LY86: variants seen among roughly 807,000 people sequenced by gnomAD.
The protein encoded by LY86 is MD-1, RP105-associated.
In LY86, 20 loss-of-function variants were observed where a neutral mutation model predicts 17.3. The observed-to-expected ratio is 1.15, with a 90% CI of 0.81 to 1.68. The LOEUF (loss-of-function observed/expected upper bound fraction) is 1.68. LY86 is among the 40% of genes most tolerant of loss of function. LY86 has a pLI of 0.00. For missense variants in LY86, 200 were observed against 191.9 expected, an observed-to-expected ratio of 1.04 and a Z score of -0.25; for synonymous variants, 74 against 70.6, an observed-to-expected ratio of 1.05 and a Z score of -0.24.
intron 1 of LY86, among the ~76,000 whole-genome samples, chr6:6,600,913 G>A (rs150928299): frequency 2.4e-3 from 367 of 152,318 alleles, no homozygotes; most frequent in Middle Eastern, 6.8e-3. Context: ...AGACAGGAAC[G>A]TCATTCTTCC....
intron 1 of LY86, among the ~76,000 whole-genome samples, chr6:6,615,010 A>G (rs1761518653): frequency 6.6e-6 from 1 of 152,216 alleles, no homozygotes; most frequent in African/African-American, 2.4e-5. Context: ...CACCTTGTGA[A>G]ATGGTTTGTA....
intron 3 of LY86, among the ~76,000 whole-genome samples, chr6:6,649,366 G>A (rs538917815): frequency 2.0e-5 from 3 of 152,382 alleles, no homozygotes; most frequent in South Asian, 2.1e-4. Flanking sequence ...TGTAAGCAAT[G>A]TGTGGACAGA....
chr6:6,613,388 G>A (rs1402710255), intron 1 of LY86, among the ~76,000 whole-genome samples: 2 of 152,220 alleles, frequency 1.3e-5, no homozygotes, highest in East Asian at 1.9e-4. Flanking sequence ...AGTGGGGAGC[G>A]GGAGGAGACT....
intron 3 of LY86, among the ~76,000 whole-genome samples, chr6:6,627,553 G>A (rs1034091655): frequency 6.6e-6 from 1 of 152,170 alleles, no homozygotes; most frequent in African/African-American, 2.4e-5. Flanking sequence ...GTTTACTGCC[G>A]TGTATCTTCC....
At chr6:6,615,205 G>A (rs1178394882) in intron 1 of LY86, among the ~76,000 whole-genome samples, 2 of 152,204 alleles carry the variant, frequency 1.3e-5, no homozygotes, top group African/African-American at 4.8e-5. Context: ...TTGAAAACCA[G>A]GCAGCACCCA....
chr6:6,619,195 A>C (rs1468503502), intron 1 of LY86, among the ~76,000 whole-genome samples: 1 of 152,240 alleles, frequency 6.6e-6, no homozygotes, highest in African/African-American at 2.4e-5. Flanking sequence ...TCTGTTTGAT[A>C]AATAGAACAC....
chr6:6,612,979 G>C (rs1761426367), intron 1 of LY86, among the ~76,000 whole-genome samples: 2 of 152,084 alleles, frequency 1.3e-5, no homozygotes, highest in East Asian at 3.9e-4. Context: ...GTGCTGATTG[G>C]TGTGTTAACA....
chr6:6,648,028 C>A lies in LY86; in HGVS notation c.353-1597C>A, dbSNP rs374845048. Among the ~76,000 whole-genome samples, 23 of 150,578 alleles carry A rather than the reference C, an allele frequency of 1.5e-4. No homozygotes were observed. The East Asian group carries it at 4.5e-3, about 30-fold the overall frequency. Reference sequence around the variant, plus strand: ...ACACACACACTTCCTCATCAGGCTTCCCTAATCTCAATAAATGGCACCCCC... The same window carrying A: ...ACACACACACTTCCTCATCAGGCTTACCTAATCTCAATAAATGGCACCCCC... On this transcript the variant is annotated intron_variant, in intron 3 of 4. Transcript: ENST00000230568.
At chr6:6,611,863 C>T (rs1244383473) in intron 1 of LY86, among the ~76,000 whole-genome samples, 1 of 150,782 alleles carries the variant, frequency 6.6e-6, no homozygotes, top group Non-Finnish European at 1.5e-5. Flanking sequence ...AGCATCTCTC[C>T]TTCCATTTTT....
chr6:6,619,331 C>T (rs1384071027), intron 1 of LY86, among the ~76,000 whole-genome samples: 2 of 152,186 alleles, frequency 1.3e-5, no homozygotes, highest in East Asian at 1.9e-4. Context: ...CTATTTGGCC[C>T]GGGACTAGCA....
chr6:6,601,987 G>A (rs943150659), intron 1 of LY86, among the ~76,000 whole-genome samples: 5 of 152,230 alleles, frequency 3.3e-5, no homozygotes, highest in African/African-American at 7.2e-5. Context: ...GCTAGGAACC[G>A]TAGAGGGGCT....
intron 3 of LY86, among the ~76,000 whole-genome samples, chr6:6,641,942 C>T (rs923182938): frequency 6.6e-6 from 1 of 152,344 alleles, no homozygotes; most frequent in Middle Eastern, 3.4e-3. Context: ...TGGGGAACCG[C>T]AGCGTGTGCC....
intron 3 of LY86, among the ~76,000 whole-genome samples, chr6:6,644,622 T>C (rs1762084775): frequency 6.7e-6 from 1 of 150,276 alleles, no homozygotes; most frequent in Non-Finnish European, 1.5e-5. Flanking sequence ...AAAAAGACAC[T>C]CAGTGACAAT....
chr6:6,603,603 C>CAAAAAAAAAAAAAAAAA (rs1207511602), intron 1 of LY86, among the ~76,000 whole-genome samples: 21 of 70,478 alleles, frequency 3.0e-4, no homozygotes, highest in Non-Finnish European at 4.8e-4. Flanking sequence ...AAAACAGAAA[C>CAAAAAAAAAAAAAAAAA]AGAAAAAAAA....
chr6:6,653,950 A>C (rs931175980), intron 4 of LY86, among the ~76,000 whole-genome samples: 1 of 152,174 alleles, frequency 6.6e-6, no homozygotes, highest in Non-Finnish European at 1.5e-5. Context: ...AGGCAGCCAG[A>C]GGGATCTTAC....
chr6:6,637,490 A>C (rs1761977145), intron 3 of LY86, among the ~76,000 whole-genome samples: 1 of 152,120 alleles, frequency 6.6e-6, no homozygotes, highest in South Asian at 2.1e-4. Context: ...AATACTTTTA[A>C]TTTTCTAAGA....
Position 6,588,871 on chromosome 6 carries a change from G to T in LY86, c.136+1G>T. The T allele has an allele frequency of 6.2e-7, 1 of 1,613,746 alleles. No individual in the cohort carries two copies. The highest frequency in any genetic ancestry group is 8.5e-7 in the Non-Finnish European group (1 of 1,179,792). ...TTGGAAGTGCTCTACCAGAGTTGCG[G>T]TAAGCCCTTGCAGTACACCCATGTG... On this transcript the variant is annotated splice_donor_variant, in intron 1 of 4. Transcript: ENST00000230568. LOFTEE classifies it high-confidence loss of function.
intron 1 of LY86, among the ~76,000 whole-genome samples, chr6:6,606,722 C>A (rs998460129): frequency 3.9e-5 from 6 of 152,206 alleles, no homozygotes; most frequent in Non-Finnish European, 7.4e-5. Flanking sequence ...GCAGCACTTG[C>A]GGGGCCCGCT....
chr6:6,602,739 A>G (rs1760950432), intron 1 of LY86, among the ~76,000 whole-genome samples: 1 of 152,150 alleles, frequency 6.6e-6, no homozygotes, highest in East Asian at 1.9e-4. Flanking sequence ...AAACTGGGGT[A>G]TTGATCTATC....
Sources: allele counts gnomAD v4.1 joint callset (sites outside exome capture counted in the v4.1 genomes callset), GRCh38; gene constraint gnomAD v4.1.1; transcripts MANE v1.5; gene names NCBI Gene and HGNC (gene_info 2026-07-23, HGNC 2026-07-21).